The following CA10 variants were observed in gnomAD, a reference collection of about 807,000 sequenced individuals.
The protein encoded by CA10 is carbonic anhydrase 10 (inactive), also known as carbonic anhydrase-related protein 10.
Under a neutral mutation model 44.2 loss-of-function variants are expected in CA10, and 14 were observed. The observed-to-expected ratio is 0.32, with a 90% CI of 0.21 to 0.50. The LOEUF is 0.50. Among genes scored for constraint, CA10 ranks in the 20% least tolerant of loss-of-function variants. The pLI is 0.99. For synonymous variants in CA10, 159 were observed against 141.6 expected (o/e 1.12, Z -0.87); for missense variants, 350 against 409.7 (o/e 0.85, Z 1.26).
chr17:51,668,886 C>T (rs1427970711), intron 4 of CA10, among the ~76,000 whole-genome samples: 1 of 152,200 alleles, frequency 6.6e-6, no homozygotes, highest in Non-Finnish European at 1.5e-5. Flanking sequence ...GCATCACAGG[C>T]CCTGGGCAGT....
intron 3 of CA10, among the ~76,000 whole-genome samples, chr17:51,829,640 C>G (rs1227585857): frequency 6.6e-6 from 1 of 152,136 alleles, no homozygotes; most frequent in Non-Finnish European, 1.5e-5. Context: ...CAGGCATGTG[C>G]TAGATGCCTT....
At chr17:51,735,215 A>G (rs1916861081) in intron 4 of CA10, among the ~76,000 whole-genome samples, 1 of 152,242 alleles carries the variant, frequency 6.6e-6, no homozygotes, top group Admixed American at 6.5e-5. Flanking sequence ...CACAGCCATA[A>G]AAAAGAACAG....
chr17:52,010,643 A>G (rs1026346174), intron 2 of CA10, among the ~76,000 whole-genome samples: 1 of 151,932 alleles, frequency 6.6e-6, no homozygotes, highest in African/African-American at 2.4e-5. Flanking sequence ...ATGGTGAGGG[A>G]TAAAAGACTG....
intron 3 of CA10, among the ~76,000 whole-genome samples, chr17:51,878,031 C>T (rs1980157855): frequency 1.3e-5 from 2 of 150,424 alleles, no homozygotes; most frequent in African/African-American, 2.5e-5. Context: ...GTAGTCCCAG[C>T]TACTCGGGAG....
chr17:52,053,548 C>G (rs750261356), intron 2 of CA10, among the ~76,000 whole-genome samples: 4 of 151,814 alleles, frequency 2.6e-5, no homozygotes, highest in Admixed American at 1.3e-4. Flanking sequence ...ATATAATTGT[C>G]AAAATTTAAG....
chr17:52,026,665 G>A (rs1986311259), intron 2 of CA10, among the ~76,000 whole-genome samples: 1 of 152,140 alleles, frequency 6.6e-6, no homozygotes. Flanking sequence ...GCAACAAGGA[G>A]AAGTGCCAAA....
chr17:52,017,578 G>C (rs1986007887), intron 2 of CA10, among the ~76,000 whole-genome samples: 1 of 152,110 alleles, frequency 6.6e-6, no homozygotes, highest in Non-Finnish European at 1.5e-5. Flanking sequence ...TGGCATGGCT[G>C]CTTCTAACAG....
At chr17:51,873,670 C>T (rs540004362) in intron 3 of CA10, among the ~76,000 whole-genome samples, 1 of 152,164 alleles carries the variant, frequency 6.6e-6, no homozygotes, top group Non-Finnish European at 1.5e-5. Flanking sequence ...CATGACTGGC[C>T]ATGGGTGTGC....
At chr17:51,943,896 G>GAA (rs1239709360) in intron 2 of CA10, among the ~76,000 whole-genome samples, 3 of 152,140 alleles carry the variant, frequency 2.0e-5, no homozygotes, top group African/African-American at 7.2e-5. Flanking sequence ...GGGTCAATAA[G>GAA]AAAGTATGGA....
intron 2 of CA10, among the ~76,000 whole-genome samples, chr17:51,974,518 A>G (rs1008254879): frequency 5.9e-5 from 9 of 151,926 alleles, no homozygotes; most frequent in African/African-American, 2.2e-4. Context: ...AAAAACTGTA[A>G]CAAAAAAAAA....
chr17:52,119,247 T>C (rs1395002291), intron 1 of CA10, among the ~76,000 whole-genome samples: 1 of 151,070 alleles, frequency 6.6e-6, no homozygotes, highest in Non-Finnish European at 1.5e-5. Flanking sequence ...GCAGTATTCA[T>C]GACTTATGGC....
chr17:51,717,833 A>T lies in CA10; in HGVS notation c.465+29800T>A, dbSNP rs1230146099. On this transcript the variant is annotated intron_variant, in intron 4 of 8. Coordinates refer to ENST00000451037, the MANE Select transcript of CA10 (RefSeq NM_020178.5). The stretch of plus-strand genomic sequence containing the variant: ...TACACGTATATATATGTGTGTGTAT[A>T]TATATATATATATATATATATATAT... 2.6e-4 allele frequency among the ~76,000 whole-genome samples: 15 copies of T among 58,518 alleles called. 1 individual carries two copies. Among genetic ancestry groups the T allele is most frequent in the African/African-American group, 1.3e-3 (14 of 11,084 alleles). 38.4% of individuals were successfully genotyped at this position (58,518 alleles called of 152,430 possible).
intron 3 of CA10, among the ~76,000 whole-genome samples, chr17:51,883,894 C>CA (rs1980483680): frequency 6.6e-6 from 1 of 152,134 alleles, no homozygotes; most frequent in South Asian, 2.1e-4. Flanking sequence ...GGATGTTTGA[C>CA]AAATATGTCA....
rs1361360856 is a variant in CA10 at position 51,874,155 on chromosome 17, C to T, written c.279+56835G>A. Among the ~76,000 whole-genome samples the T allele has an allele frequency of 3.3e-5, 5 of 152,106 alleles. No homozygotes were observed. The East Asian group carries it at 9.6e-4, about 29-fold the overall frequency. Reference sequence around the variant, plus strand: ...ATATTTGCTTCCTGAAGAATCCAGACCAATGCTCTAAGTCCATTTTTGTAC... The same window carrying T: ...ATATTTGCTTCCTGAAGAATCCAGATCAATGCTCTAAGTCCATTTTTGTAC... On this transcript the variant is annotated intron_variant, in intron 3 of 8. Coordinates refer to ENST00000451037, the MANE Select transcript of CA10 (RefSeq NM_020178.5).
intron 2 of CA10, among the ~76,000 whole-genome samples, chr17:52,057,448 TCTAG>T (rs58200828): frequency 0.33 from 50,754 of 151,782 alleles, 10,230 homozygotes; most frequent in East Asian, 0.73. Flanking sequence ...TTTTATTTTC[TCTAG>T]CTTTGTTTAT....
At chr17:51,803,275 C>T (rs1907005385) in intron 3 of CA10, among the ~76,000 whole-genome samples, 1 of 152,172 alleles carries the variant, frequency 6.6e-6, no homozygotes, top group Admixed American at 6.5e-5. Context: ...GCAGAAGTGG[C>T]CCTACCTTCC....
At chr17:52,099,996 T>TA (rs1209415837) in intron 1 of CA10, among the ~76,000 whole-genome samples, 1 of 152,084 alleles carries the variant, frequency 6.6e-6, no homozygotes, top group Non-Finnish European at 1.5e-5. Context: ...TCTGATCAGA[T>TA]AGGTTAAGAA....
intron 3 of CA10, among the ~76,000 whole-genome samples, chr17:51,847,574 G>T (rs1978551276): frequency 6.6e-6 from 1 of 152,086 alleles, no homozygotes; most frequent in African/African-American, 2.4e-5. Flanking sequence ...CTTAAGTTGG[G>T]ATATATCTTA....
At chr17:51,672,451 C>A (rs1914464440) in intron 4 of CA10, among the ~76,000 whole-genome samples, 1 of 152,180 alleles carries the variant, frequency 6.6e-6, no homozygotes, top group Non-Finnish European at 1.5e-5. Context: ...GTTTTATAAG[C>A]ATTATCTTAT....
Sources: allele counts gnomAD v4.1 joint callset (sites outside exome capture counted in the v4.1 genomes callset), GRCh38; gene constraint gnomAD v4.1.1; transcripts MANE v1.5; gene names NCBI Gene and HGNC (gene_info 2026-07-23, HGNC 2026-07-21).